EPS15: variants seen among roughly 807,000 people sequenced by gnomAD.
EPS15 encodes the protein epidermal growth factor receptor substrate 15.
EPS15 carries 72 observed loss-of-function variants against 113.8 expected under a neutral mutation model. The ratio of observed to expected loss-of-function variants is 0.63; its 90% CI spans 0.52 to 0.77. The LOEUF is 0.77. Among genes scored for constraint, EPS15 ranks in the 30% least tolerant of loss-of-function variants. The pLI is 0.00. For missense variants in EPS15, 1,048 were observed against 1,045.8 expected (o/e 1.00, Z -0.03); for synonymous variants, 344 against 363.4 (o/e 0.95, Z 0.61).
At chr1:51,489,012 GA>G (rs201719503) in intron 1 of EPS15, among the ~76,000 whole-genome samples, 573 of 151,396 alleles carry the variant, frequency 3.8e-3, no homozygotes, top group African/African-American at 0.013. Context: ...AGCAACACGA[GA>G]AAAAAAGCCT....
At chr1:51,426,250 A>T (rs1432966902) in intron 12 of EPS15, among the ~76,000 whole-genome samples, 1 of 151,380 alleles carries the variant, frequency 6.6e-6, no homozygotes, top group Non-Finnish European at 1.5e-5. Flanking sequence ...CATATAGTTC[A>T]AACAGAAGAT....
intron 12 of EPS15, among the ~76,000 whole-genome samples, chr1:51,439,254 G>C (rs1469750328): frequency 6.6e-6 from 1 of 152,108 alleles, no homozygotes; most frequent in Admixed American, 6.6e-5. Flanking sequence ...AGTTTCACAA[G>C]TCAATAAATT....
At chr1:51,423,909 C>T (rs1650986515) in intron 12 of EPS15, among the ~76,000 whole-genome samples, 1 of 152,016 alleles carries the variant, frequency 6.6e-6, no homozygotes, top group African/African-American at 2.4e-5. Context: ...ACAAATTTCT[C>T]TTCATAATTT....
chr1:51,489,982 T>C (rs1244178181), intron 1 of EPS15, among the ~76,000 whole-genome samples: 4 of 152,226 alleles, frequency 2.6e-5, no homozygotes, highest in Non-Finnish European at 5.9e-5. Flanking sequence ...AAGCTACTCA[T>C]ATTTTGGCTT....
intron 12 of EPS15, among the ~76,000 whole-genome samples, chr1:51,434,049 G>C (rs902889927): frequency 6.6e-6 from 1 of 152,174 alleles, no homozygotes; most frequent in African/African-American, 2.4e-5. Flanking sequence ...GGGAACTCCT[G>C]AAATAAATAC....
chr1:51,458,524 A>G (rs2148496200), intron 8 of EPS15: 2 of 444,036 alleles, frequency 4.5e-6, no homozygotes, highest in South Asian at 3.1e-5. Context: ...ATCACCTATT[A>G]TCAGGAGCTC....
rs1274856844 is a variant in EPS15, at chr1:51,406,092, A to C, written c.1490T>G (p.Met497Arg). Residue 497 changes from methionine (M) to arginine (R), a missense_variant, in exon 16 of 25, where the codon ATG becomes AGG. Coordinates refer to ENST00000371733, the MANE Select transcript of EPS15 (RefSeq NM_001981.3). ...QEISSMQMKL[M>R]EMKDLENHNS... ...ATGATTTTCCAAATCTTTCATTTCC[A>C]TCAGTTTCATTTGCATCTGCCAACA... 2.5e-6 allele frequency: 4 copies of C among 1,613,336 alleles called. No individual in the cohort carries two copies. Among genetic ancestry groups the C allele is most frequent in the Non-Finnish European group, 3.4e-6 (4 of 1,179,770 alleles).
At position 51,356,037 on chromosome 1, in the gene EPS15, C is replaced by A. The variant is rs1488821694; in HGVS notation, c.*663G>T. On this transcript the variant is annotated 3_prime_UTR_variant, in exon 25 of 25. Transcript: ENST00000371733. ...TAAAATTCTCTAAATCCAGATAAAT[C>A]TTTTTAAAAATTTATTTCACACATG... is the stretch of plus-strand genomic sequence containing the variant. The A allele has an allele frequency of 2.5e-5, 5 of 197,672 alleles. No homozygotes were observed. Among genetic ancestry groups the A allele is most frequent in the Admixed American group, 6.0e-5 (1 of 16,530 alleles). The allele number at this position is 197,672 out of a possible 1,614,324, so 12.2% of individuals were successfully genotyped here.
intron 13 of EPS15, among the ~76,000 whole-genome samples, chr1:51,420,177 C>T (rs1650618515): frequency 6.6e-6 from 1 of 152,082 alleles, no homozygotes; most frequent in Non-Finnish European, 1.5e-5. Context: ...TACACCTTAC[C>T]ATTGCCACTA....
rs1332324848 is a variant in EPS15 at position 51,471,689 on chromosome 1, C to T, written c.213+1G>A. On this transcript the variant is annotated splice_donor_variant, in intron 4 of 24. Coordinates refer to ENST00000371733, the MANE Select transcript of EPS15 (RefSeq NM_001981.3). LOFTEE classifies it high-confidence loss of function. Reference sequence around the variant, plus strand: ...AAATCATATGAATATCTGAAACTTACTTGTTTGTTCAGGATACCTTTGCCA... The same window carrying T: ...AAATCATATGAATATCTGAAACTTATTTGTTTGTTCAGGATACCTTTGCCA... 3 of 1,603,952 alleles carry T rather than the reference C, an allele frequency of 1.9e-6. No homozygotes were observed. Among genetic ancestry groups the T allele is most frequent in the Admixed American group, 3.4e-5 (2 of 59,262 alleles).
rs928835836 is a variant in EPS15 at position 51,355,690 on chromosome 1, A to T, written c.*1010T>A. 2.7e-5 allele frequency: 5 copies of T among 188,442 alleles called. No homozygotes were observed. Among genetic ancestry groups the T allele is most frequent in the African/African-American group, 1.2e-4 (5 of 42,554 alleles). 11.7% of individuals were successfully genotyped at this position (188,442 alleles called of 1,614,324 possible). A position where few individuals can be genotyped will look rare whatever the true frequency, so the allele number is the denominator to read the frequency against. ...ATTTGTATTCAGTGAAAGTTTTTAC[A>T]TTTCAAGTAAATGAGCCTTCATTAA... On this transcript the variant is annotated 3_prime_UTR_variant, in exon 25 of 25. Transcript: ENST00000371733.
intron 12 of EPS15, among the ~76,000 whole-genome samples, chr1:51,428,475 G>C (rs1443318336): frequency 1.3e-5 from 2 of 150,868 alleles, no homozygotes; most frequent in African/African-American, 2.5e-5. Flanking sequence ...TATAGTTTGT[G>C]ACATCAATAA....
chr1:51,509,361 T>C (rs1335637392), intron 1 of EPS15, among the ~76,000 whole-genome samples: 1 of 152,150 alleles, frequency 6.6e-6, no homozygotes, highest in Non-Finnish European at 1.5e-5. Flanking sequence ...TCTAATTAAG[T>C]GCAACATTTC....
intron 11 of EPS15, among the ~76,000 whole-genome samples, chr1:51,441,564 ATAGT>A (rs1484664146): frequency 1.3e-5 from 2 of 152,152 alleles, no homozygotes; most frequent in Non-Finnish European, 2.9e-5. Context: ...ATGTTGTTGT[ATAGT>A]TAATTTACGT....
Position 51,354,902 on chromosome 1 carries a change from C to T in EPS15, c.*1798G>A, listed in dbSNP as rs1646186919. The T allele has an allele frequency of 4.9e-6, 1 of 205,168 alleles. No homozygotes were observed. The highest frequency in any genetic ancestry group is 1.0e-5 in the Non-Finnish European group (1 of 100,152). 12.7% of individuals were successfully genotyped at this position (205,168 alleles called of 1,614,324 possible). On this transcript the variant is annotated 3_prime_UTR_variant, in exon 25 of 25. Coordinates refer to ENST00000371733, the MANE Select transcript of EPS15 (RefSeq NM_001981.3). ...TTTTTTTGAAGCATTTAAACATTTGCTTATTTTCCCAGTGCAAAAGAAAGT... is the reference window on the plus strand; with the variant it reads ...TTTTTTTGAAGCATTTAAACATTTGTTTATTTTCCCAGTGCAAAAGAAAGT...
chr1:51,444,799 CT>C, intron 11 of EPS15, 89 bp downstream of exon 11: 1 of 1,281,372 alleles, frequency 7.8e-7, no homozygotes, highest in Non-Finnish European at 1.1e-6. Flanking sequence ...TACATTTTCT[CT>C]TCTATTTCAT....
intron 21 of EPS15, among the ~76,000 whole-genome samples, chr1:51,382,955 A>G (rs56161287): frequency 3.3e-5 from 5 of 152,200 alleles, no homozygotes; most frequent in Non-Finnish European, 7.3e-5. Context: ...AAAACTATAG[A>G]TCAATATCCT....
chr1:51,478,595 G>A lies in EPS15; in HGVS notation c.75+2678C>T, dbSNP rs1337325102. 4.3e-3 allele frequency among the ~76,000 whole-genome samples: 653 copies of A among 151,382 alleles called. 1 individual carries two copies. The highest frequency in any genetic ancestry group is 0.015 in the African/African-American group (615 of 41,098). ...GCATGTTTTTGCAGTGGCTGGTACC[G>A]GTTGTTCCTTTCCATGTTTAGTGCT... On this transcript the variant is annotated intron_variant, in intron 2 of 24. Transcript: ENST00000371733.
At chr1:51,477,843 T>G (rs1444582246) in intron 2 of EPS15, among the ~76,000 whole-genome samples, 1 of 152,226 alleles carries the variant, frequency 6.6e-6, no homozygotes, top group African/African-American at 2.4e-5. Context: ...TTCTGTTCTT[T>G]TACATTTGCT....
Sources: allele counts gnomAD v4.1 joint callset (sites outside exome capture counted in the v4.1 genomes callset), GRCh38; gene constraint gnomAD v4.1.1; transcripts MANE v1.5; gene names NCBI Gene and HGNC (gene_info 2026-07-23, HGNC 2026-07-21).